FREM2: variants seen among roughly 807,000 people sequenced by gnomAD.
FREM2 encodes the protein FRAS1-related extracellular matrix protein 2.
A neutral mutation model predicts 219.9 loss-of-function variants in FREM2; 119 were observed. The observed-to-expected ratio is 0.54, with a 90% CI of 0.47 to 0.63. FREM2 has a LOEUF of 0.63. Among genes scored for constraint, FREM2 ranks in the 30% least tolerant of loss-of-function variants. The pLI is 0.00. For missense variants in FREM2, 4,030 were observed against 3,993.6 expected (o/e 1.01, Z -0.25); for synonymous variants, 1,562 against 1,522.8 (o/e 1.03, Z -0.60).
chr13:38,742,233 A>G (rs1158882906), intron 2 of FREM2, among the ~76,000 whole-genome samples: 1 of 152,226 alleles, frequency 6.6e-6, no homozygotes. Flanking sequence ...ATGCAACTAC[A>G]AGGGTTGTAT....
rs1243360854 is a variant in FREM2 at position 38,886,032 on chromosome 13, T to G, written c.*5245T>G. 1.3e-5 allele frequency: 2 copies of G among 152,186 alleles called. No homozygotes were observed. Among genetic ancestry groups the G allele is most frequent in the African/African-American group, 4.8e-5 (2 of 41,444 alleles). The allele number at this position is 152,186 out of a possible 1,614,324, so 9.4% of individuals were successfully genotyped here. Reference sequence around the variant, plus strand: ...ACACTGATTACATGATTGTCACAGTTTAAGTGAATTTCTACTATGGATCTT... The same window carrying G: ...ACACTGATTACATGATTGTCACAGTGTAAGTGAATTTCTACTATGGATCTT... On this transcript the variant is annotated 3_prime_UTR_variant, in exon 24 of 24. Transcript: ENST00000280481.
At chr13:38,785,293 G>C (rs1459109679) in intron 6 of FREM2, among the ~76,000 whole-genome samples, 1 of 152,176 alleles carries the variant, frequency 6.6e-6, no homozygotes, top group Non-Finnish European at 1.5e-5. Context: ...CAAAACAGGA[G>C]GGAGAGAATA....
At chr13:38,704,982 C>T (rs1482195474) in intron 2 of FREM2, among the ~76,000 whole-genome samples, 1 of 152,134 alleles carries the variant, frequency 6.6e-6, no homozygotes. Context: ...CCAGGTTTCT[C>T]CCTCGACACA....
Position 38,784,572 on chromosome 13 carries a change from C to T in FREM2, c.5783C>T (p.Thr1928Ile). 2 of 1,614,184 alleles carry T rather than the reference C, an allele frequency of 1.2e-6. No individual in the cohort carries two copies. Among genetic ancestry groups the T allele is most frequent in the Non-Finnish European group, 1.7e-6 (2 of 1,179,996 alleles). Residue 1928 changes from threonine (T) to isoleucine (I), a missense_variant, in exon 6 of 24, where the codon ACT (threonine) becomes ATT (isoleucine). This residue lies in a region of FREM2 where 3,102 missense variants were observed against 2,950.7 expected (regional missense o/e 1.05). Transcript: ENST00000280481. ...CTGCTTCCAGGAACAGCAACTGGAA[C>T]TGTGCCGACTTCCGTGTTGTCTTAC... Reference protein sequence around the residue: ...CYTQQGTATGTVPTSVLSYSD... With the variant: ...CYTQQGTATGIVPTSVLSYSD...
chr13:38,769,913 C>G, intron 4 of FREM2, 105 bp downstream of exon 4: 1 of 837,832 alleles, frequency 1.2e-6, no homozygotes, highest in Non-Finnish European at 2.0e-6. Flanking sequence ...TTTGAAATTT[C>G]CATAGAGAGA....
chr13:38,782,988 G>A, intron 4 of FREM2, 82 bp from the exon 5 acceptor site: 4 of 1,502,418 alleles, frequency 2.7e-6, no homozygotes, highest in Non-Finnish European at 3.7e-6. Context: ...TCAATCATTA[G>A]AGAAATTTTA....
At chr13:38,821,600 C>A (rs1048414192) in intron 6 of FREM2, 1 of 151,936 alleles carries the variant, frequency 6.6e-6, no homozygotes, top group Non-Finnish European at 1.5e-5. Context: ...CTGAAACAGG[C>A]GTTTGAAATA....
At chr13:38,857,188 G>A (rs9594303) in intron 12 of FREM2, among the ~76,000 whole-genome samples, 18,142 of 152,066 alleles carry the variant, frequency 0.12, 2,504 homozygotes, top group African/African-American at 0.34. Flanking sequence ...TACTTCCAGC[G>A]ATGAAAGCTT....
intron 6 of FREM2, among the ~76,000 whole-genome samples, chr13:38,845,583 C>T (rs1011506381): frequency 2.0e-5 from 3 of 152,118 alleles, no homozygotes; most frequent in Non-Finnish European, 4.4e-5. Context: ...TATAATTTAT[C>T]TTTCTTAATA....
chr13:38,844,421 C>A (rs1399008905), intron 6 of FREM2, among the ~76,000 whole-genome samples: 1 of 152,156 alleles, frequency 6.6e-6, no homozygotes, highest in African/African-American at 2.4e-5. Flanking sequence ...CAGAGTACTA[C>A]ACCCATAAGA....
At chr13:38,869,688 T>C (rs1878093522) in intron 16 of FREM2, among the ~76,000 whole-genome samples, 1 of 152,206 alleles carries the variant, frequency 6.6e-6, no homozygotes, top group Non-Finnish European at 1.5e-5. Context: ...ATGAATTAAA[T>C]AAATGATTCC....
intron 6 of FREM2, among the ~76,000 whole-genome samples, chr13:38,820,935 T>C (rs936973288): frequency 1.3e-5 from 2 of 152,170 alleles, no homozygotes; most frequent in Non-Finnish European, 2.9e-5. Context: ...GACAGCAGCA[T>C]CTCCACGTAT....
intron 6 of FREM2, among the ~76,000 whole-genome samples, chr13:38,842,936 G>A (rs1377642358): frequency 2.0e-5 from 3 of 152,140 alleles, no homozygotes; most frequent in African/African-American, 7.2e-5. Flanking sequence ...TATGTTTAAT[G>A]AGCTAAAATA....
intron 2 of FREM2, among the ~76,000 whole-genome samples, chr13:38,709,060 T>C (rs1014194486): frequency 6.6e-6 from 1 of 152,164 alleles, no homozygotes; most frequent in East Asian, 1.9e-4. Context: ...ACATCCAGCC[T>C]CAATGTTCTC....
intron 2 of FREM2, among the ~76,000 whole-genome samples, chr13:38,750,033 G>T (rs1228375721): frequency 6.6e-6 from 1 of 152,128 alleles, no homozygotes; most frequent in African/African-American, 2.4e-5. Context: ...AAGGAAAGGG[G>T]TAGGGCCTAA....
intron 2 of FREM2, among the ~76,000 whole-genome samples, chr13:38,730,873 TACTC>T (rs755711578): frequency 3.3e-5 from 5 of 151,780 alleles, no homozygotes; most frequent in East Asian, 3.9e-4. Context: ...TGTAAAGACT[TACTC>T]ACCTACACCA....
At chr13:38,865,155 C>G (rs1209213263) in intron 16 of FREM2, among the ~76,000 whole-genome samples, 1 of 152,114 alleles carries the variant, frequency 6.6e-6, no homozygotes, top group East Asian at 1.9e-4. Context: ...ATTCATTTAT[C>G]TATCATTAAC....
intron 6 of FREM2, among the ~76,000 whole-genome samples, chr13:38,823,372 T>A (rs2137879566): frequency 6.6e-6 from 1 of 151,990 alleles, no homozygotes; most frequent in East Asian, 1.9e-4. Flanking sequence ...TTCATCATCA[T>A]GTTCCCCCCT....
chr13:38,807,447 A>T (rs9548460), intron 6 of FREM2, among the ~76,000 whole-genome samples: 59,433 of 150,102 alleles, frequency 0.4, 13,690 homozygotes, highest in Non-Finnish European at 0.51. Context: ...TTTTCTACTT[A>T]CTTTGACCAG....
Sources: gnomAD v4.1 joint callset for allele counts (sites outside exome capture counted in the v4.1 genomes callset) on GRCh38, gnomAD v4.1.1 for gene constraint, gnomAD v4.1.1 regional missense constraint, MANE v1.5 for transcripts, NCBI Gene and HGNC (gene_info 2026-07-23, HGNC 2026-07-21) for gene names.